The following SYT17 variants were observed in gnomAD, a reference collection of about 807,000 sequenced individuals.
The protein encoded by SYT17 is synaptotagmin-17.
Under a neutral mutation model 46.7 loss-of-function variants are expected in SYT17, and 22 were observed. The observed-to-expected ratio is 0.47, with a 90% CI of 0.34 to 0.67. The LOEUF (loss-of-function observed/expected upper bound fraction) is 0.67, where lower values mean the gene tolerates loss of function less well. Ranked by LOEUF, SYT17 falls within the 30% of genes least tolerant of loss-of-function variation. SYT17 has a pLI of 0.01. For missense variants in SYT17, 519 were observed against 612.8 expected (o/e 0.85, Z 1.62); for synonymous variants, 251 against 248.4 (o/e 1.01, Z -0.10).
intron 1 of SYT17, chr16:19,172,100 A>G (rs1330358151): frequency 6.2e-6 from 1 of 161,608 alleles, no homozygotes; most frequent in African/African-American, 2.4e-5. Context: ...CATTTGGAAA[A>G]CCACCTTAAA....
At position 19,220,303 on chromosome 16, in the gene SYT17, C is replaced by CTTT. The variant is rs1555459738; in HGVS notation, c.952-2727_952-2725dup. On this transcript the variant is annotated intron_variant, in intron 5 of 7. Coordinates refer to ENST00000355377, the MANE Select transcript of SYT17 (RefSeq NM_016524.4). ...TTCAATGACATTTCTTTCTTTCTTT[C>CTTT]TTTTTTTTTTTTTTTTTGAGATGAA... 2.5e-5 allele frequency among the ~76,000 whole-genome samples: 2 copies of CTTT among 80,494 alleles called. 1 individual carries two copies. The highest frequency in any genetic ancestry group is 1.0e-4 in the African/African-American group (2 of 19,866). The allele number at this position is 80,494 out of a possible 152,430, so 52.8% of individuals were successfully genotyped here. A position where few individuals can be genotyped will look rare whatever the true frequency, so the allele number is the denominator to read the frequency against.
intron 7 of SYT17, among the ~76,000 whole-genome samples, chr16:19,229,813 A>G (rs1227591271): frequency 6.6e-6 from 1 of 152,238 alleles, no homozygotes; most frequent in Non-Finnish European, 1.5e-5. Flanking sequence ...CAACCTGAAC[A>G]TGCATCGACA....
intron 5 of SYT17, among the ~76,000 whole-genome samples, chr16:19,193,660 A>G (rs1384557271): frequency 6.6e-6 from 1 of 152,202 alleles, no homozygotes; most frequent in Non-Finnish European, 1.5e-5. Flanking sequence ...TTCTTTAGGA[A>G]GTGATGCTGA....
intron 5 of SYT17, among the ~76,000 whole-genome samples, chr16:19,201,922 G>A (rs535524885): frequency 6.6e-6 from 1 of 152,258 alleles, no homozygotes; most frequent in African/African-American, 2.4e-5. Context: ...TTTTCAGGGG[G>A]AAAAGTAGGA....
intron 1 of SYT17, among the ~76,000 whole-genome samples, chr16:19,169,440 G>T (rs1963998582): frequency 6.6e-6 from 1 of 152,228 alleles, no homozygotes; most frequent in Non-Finnish European, 1.5e-5. Context: ...AGTGAGACCC[G>T]TTGAGCTGCT....
At chr16:19,214,420 G>A (rs182810755) in intron 5 of SYT17, among the ~76,000 whole-genome samples, 5 of 151,444 alleles carry the variant, frequency 3.3e-5, no homozygotes, top group South Asian at 2.1e-4. Flanking sequence ...CTGCAGCTCC[G>A]AACTCCTGGG....
Position 19,252,356 on chromosome 16 carries a change from CACATATATATAT to C in SYT17, c.1229-14512_1229-14501del, listed in dbSNP as rs1188444837. ...GGCTGCAGTGCGGTGCTGCCATATA[CACATATATATAT>C]ACATATATATACATATATATATATA... On this transcript the variant is annotated intron_variant, in intron 7 of 7. Coordinates refer to ENST00000355377, the MANE Select transcript of SYT17 (RefSeq NM_016524.4). Among the ~76,000 whole-genome samples, 4 of 16,202 alleles carry C rather than the reference CACATATATATAT, an allele frequency of 2.5e-4. 1 individual carries two copies. The highest frequency in any genetic ancestry group is 2.2e-3 in the Admixed American group (3 of 1,362). The allele number at this position is 16,202 out of a possible 152,430, so 10.6% of individuals were successfully genotyped here.
At chr16:19,254,575 C>T (rs564109259) in intron 7 of SYT17, among the ~76,000 whole-genome samples, 1 of 152,304 alleles carries the variant, frequency 6.6e-6, no homozygotes, top group East Asian at 1.9e-4. Context: ...CTCAGGTGCT[C>T]ATGGTGAACC....
At chr16:19,210,346 C>T (rs1017223211) in intron 5 of SYT17, among the ~76,000 whole-genome samples, 2 of 152,092 alleles carry the variant, frequency 1.3e-5, no homozygotes, top group African/African-American at 2.4e-5. Flanking sequence ...GGATTACAAG[C>T]GTGAGTCACC....
intron 5 of SYT17, among the ~76,000 whole-genome samples, chr16:19,213,950 T>G (rs1410235849): frequency 1.3e-5 from 2 of 152,202 alleles, no homozygotes; most frequent in Non-Finnish European, 2.9e-5. Flanking sequence ...TCAGGATTTC[T>G]CACCTTTGGC....
intron 7 of SYT17, among the ~76,000 whole-genome samples, chr16:19,256,646 A>G (rs187214281): frequency 2.6e-5 from 4 of 151,884 alleles, no homozygotes; most frequent in African/African-American, 9.7e-5. Context: ...TGGTATGATC[A>G]TGCCTCACTG....
intron 5 of SYT17, among the ~76,000 whole-genome samples, chr16:19,193,213 C>T (rs989004085): frequency 6.6e-6 from 1 of 152,138 alleles, no homozygotes; most frequent in Non-Finnish European, 1.5e-5. Context: ...AGGGCTGCCA[C>T]TAAGATGATA....
At chr16:19,216,357 A>G (rs1388319381) in intron 5 of SYT17, among the ~76,000 whole-genome samples, 4 of 150,586 alleles carry the variant, frequency 2.7e-5, no homozygotes, top group Non-Finnish European at 5.9e-5. Context: ...TTGCTGATTA[A>G]TACTTGAGCC....
intron 7 of SYT17, among the ~76,000 whole-genome samples, chr16:19,246,284 A>G (rs1300333857): frequency 6.6e-6 from 1 of 152,130 alleles, no homozygotes; most frequent in Admixed American, 6.6e-5. Context: ...GAGCCGCCAT[A>G]TCTGGCCTAT....
At chr16:19,238,071 C>T (rs1472397030) in intron 7 of SYT17, among the ~76,000 whole-genome samples, 1 of 152,218 alleles carries the variant, frequency 6.6e-6, no homozygotes, top group East Asian at 1.9e-4. Flanking sequence ...ATCTGAAAGA[C>T]CACTGTGTTA....
At chr16:19,211,885 C>T (rs1034588527) in intron 5 of SYT17, among the ~76,000 whole-genome samples, 3 of 152,070 alleles carry the variant, frequency 2.0e-5, no homozygotes, top group South Asian at 4.1e-4. Flanking sequence ...CTCAGCCTCC[C>T]AAAATGCTGG....
At chr16:19,172,883 TA>T (rs1405744262) in intron 2 of SYT17, 106 bp downstream of exon 2, 1 of 1,359,330 alleles carries the variant, frequency 7.4e-7, no homozygotes, top group East Asian at 2.3e-5. Context: ...TATTCAACAA[TA>T]ACCTGGTGTT....
At chr16:19,190,555 A>G (rs1964970950) in intron 5 of SYT17, among the ~76,000 whole-genome samples, 1 of 152,056 alleles carries the variant, frequency 6.6e-6, no homozygotes, top group Non-Finnish European at 1.5e-5. Context: ...CCATTAATCA[A>G]TAACTCCCCA....
chr16:19,192,954 C>T (rs1242205695), intron 5 of SYT17, among the ~76,000 whole-genome samples: 1 of 152,156 alleles, frequency 6.6e-6, no homozygotes, highest in Non-Finnish European at 1.5e-5. Context: ...TGCACTTGAG[C>T]CAATGGGCTG....
Sources: allele counts gnomAD v4.1 joint callset (sites outside exome capture counted in the v4.1 genomes callset), GRCh38; gene constraint gnomAD v4.1.1; transcripts MANE v1.5; gene names NCBI Gene and HGNC (gene_info 2026-07-23, HGNC 2026-07-21).